The following ZFAND2B variants were observed in gnomAD, a reference collection of about 807,000 sequenced individuals.
ZFAND2B encodes the protein AN1-type zinc finger protein 2B.
Under a neutral mutation model 38.2 loss-of-function variants are expected in ZFAND2B, and 27 were observed. The observed-to-expected ratio is 0.71, with a 90% CI of 0.52 to 0.97. ZFAND2B has a LOEUF of 0.97. ZFAND2B is among the 50% of genes least tolerant of loss of function. The pLI is 0.00. For missense variants in ZFAND2B, 303 were observed against 331.5 expected (o/e 0.91, Z 0.67); for synonymous variants, 111 against 119.4 (o/e 0.93, Z 0.46).
chr2:219,206,934 C>G lies in ZFAND2B; in HGVS notation c.-54C>G, dbSNP rs1950491993. 3.8e-6 allele frequency: 6 copies of G among 1,598,166 alleles called. 1 individual carries two copies. The South Asian group carries it at 5.6e-5, about 15-fold the overall frequency. On this transcript the variant is annotated 5_prime_UTR_variant, in exon 1 of 9. Coordinates refer to ENST00000289528, the MANE Select transcript of ZFAND2B (RefSeq NM_138802.3). ...GCGGTGCGGACTTCGAGCACGAGCCCTAAAGACGCTCAGCACTCGTCGCTT... is the reference window on the plus strand; with the variant it reads ...GCGGTGCGGACTTCGAGCACGAGCCGTAAAGACGCTCAGCACTCGTCGCTT...
In ZFAND2B at chr2:219,207,307, A is replaced by G. The variant is rs781417943; in HGVS notation, c.56-20A>G. On this transcript the variant is annotated intron_variant, in intron 1 of 8. Coordinates refer to ENST00000289528, the MANE Select transcript of ZFAND2B (RefSeq NM_138802.3). Reference sequence around the variant, plus strand: ...ACATCGAGGTCCCGCTGGACCTGCAATCCGACCAACTCTTTGCAGATTTTC... The same window carrying G: ...ACATCGAGGTCCCGCTGGACCTGCAGTCCGACCAACTCTTTGCAGATTTTC... 39 of 1,613,156 alleles carry G rather than the reference A, an allele frequency of 2.4e-5. No individual in the cohort carries two copies. The highest frequency in any genetic ancestry group is 2.0e-4 in the African/African-American group (15 of 74,902).
chr2:219,207,691 C>T lies in ZFAND2B; in HGVS notation c.194C>T (p.Pro65Leu), dbSNP rs760972696. ...PVCPLCNVPV[P>L]VARGEPPDRA... ...TGCCCTCTCTGTAATGTGCCTGTGC[C>T]TGTGGCCAGAGGGGAGCCCCCTGAC... Residue 65 changes from proline to leucine, a missense_variant, in exon 3 of 9, where the codon CCT becomes CTT. Physicochemically the swap from Pro to Leu is moderately conservative, Grantham distance 98. Coordinates refer to ENST00000289528, the MANE Select transcript of ZFAND2B (RefSeq NM_138802.3). The T allele has an allele frequency of 6.2e-7, 1 of 1,614,184 alleles. No individual in the cohort carries two copies. Among genetic ancestry groups the T allele is most frequent in the Non-Finnish European group, 8.5e-7 (1 of 1,180,036 alleles).
Position 219,207,423 on chromosome 2 carries a change from T to C in ZFAND2B, c.150+2T>C, listed in dbSNP as rs746805400. The C allele has an allele frequency of 1.2e-6, 2 of 1,608,094 alleles. No homozygotes were observed. The highest frequency in any genetic ancestry group is 1.7e-6 in the Non-Finnish European group (2 of 1,174,958). On this transcript the variant is annotated splice_donor_variant, in intron 2 of 8. Transcript: ENST00000289528. LOFTEE classifies it high-confidence loss of function. The stretch of plus-strand genomic sequence containing the variant: ...CACTGTGGATCTGCTTACCAAAAGG[T>C]GAGGGGGCGATCCTCAGGGTGAAAG...
intron 4 of ZFAND2B, 87 bp from the exon 5 acceptor site, chr2:219,208,169 A>C: frequency 1.9e-6 from 3 of 1,596,026 alleles, no homozygotes; most frequent in Non-Finnish European, 2.6e-6. Flanking sequence ...CTTCCTTTTC[A>C]AGTGCATGTT....
chr2:219,207,624 CTGA>C, intron 2 of ZFAND2B, 21 bp from the exon 3 acceptor site: 3 of 1,613,326 alleles, frequency 1.9e-6, no homozygotes, highest in Non-Finnish European at 2.5e-6. Flanking sequence ...GGGCCACAGA[CTGA>C]CCCTTGCTCC....
chr2:219,207,334 G>A lies in ZFAND2B; in HGVS notation c.63G>A (p.Leu21=), dbSNP rs771984520. The stretch of plus-strand genomic sequence containing the variant: ...CCGACCAACTCTTTGCAGATTTTCT[G>A]CCGCTTAAGTGTGATGCCTGCTCAG... ...SEPSCQRLDF[L]PLKCDACSGI... The change falls in exon 2 of 9, where the codon CTG becomes CTA. Residue 21 remains leucine (L), a synonymous_variant. Coordinates refer to ENST00000289528, the MANE Select transcript of ZFAND2B (RefSeq NM_138802.3). The A allele has an allele frequency of 1.9e-5, 31 of 1,613,916 alleles. No individual in the cohort carries two copies. The highest frequency in any genetic ancestry group is 3.3e-5 in the Admixed American group (2 of 60,002).
At chr2:219,208,720 C>T (rs772121697) in intron 7 of ZFAND2B, 81 bp downstream of exon 7, 27 of 1,502,362 alleles carry the variant, frequency 1.8e-5, no homozygotes, top group Non-Finnish European at 2.4e-5. Context: ...ACCACTCTGA[C>T]ACAATGCAAG....
chr2:219,208,419 G>C lies in ZFAND2B; in HGVS notation c.528-7G>C. 6.2e-7 allele frequency: 1 copy of C among 1,614,160 alleles called. No homozygotes were observed. Among genetic ancestry groups the C allele is most frequent in the Non-Finnish European group, 8.5e-7 (1 of 1,180,026 alleles). On this transcript the variant is annotated splice_region_variant and splice_polypyrimidine_tract_variant and intron_variant, in intron 5 of 8. Transcript: ENST00000289528. ...TCTGACCTCCACCTCTTCAATGTCT[G>C]TCGTAGAGCCACAACCCGATCTCCG... is the stretch of plus-strand genomic sequence containing the variant.
chr2:219,207,151 T>C, intron 1 of ZFAND2B, 109 bp downstream of exon 1: 1 of 743,120 alleles, frequency 1.3e-6, no homozygotes, highest in Non-Finnish European at 2.1e-6. Context: ...GGGCGGGGCT[T>C]GAAGCTGGGG....
In ZFAND2B at chr2:219,207,789, G is replaced by A. The variant is rs528813721; in HGVS notation, c.282+10G>A. The A allele has an allele frequency of 6.2e-7, 1 of 1,614,106 alleles. No individual in the cohort carries two copies. Among genetic ancestry groups the A allele is most frequent in the East Asian group, 2.2e-5 (1 of 44,882 alleles). On this transcript the variant is annotated intron_variant, in intron 3 of 8. Transcript: ENST00000289528. ...ACAGCAAAAACGTAAGGTAAACATTGTAGGGGTCAGCCACAACCCAGCTGG... is the reference window on the plus strand; with the variant it reads ...ACAGCAAAAACGTAAGGTAAACATTATAGGGGTCAGCCACAACCCAGCTGG...
In ZFAND2B at chr2:219,209,340, G is replaced by A. The variant is rs1463372318; in HGVS notation, c.*34G>A. On this transcript the variant is annotated 3_prime_UTR_variant, in exon 9 of 9. Coordinates refer to ENST00000289528, the MANE Select transcript of ZFAND2B (RefSeq NM_138802.3). Reference sequence around the variant, plus strand: ...GCTTGGGGAGGGAGGTTCACCTGAGGAGGACTGTGGCCCTCACACCTCTAG... The same window carrying A: ...GCTTGGGGAGGGAGGTTCACCTGAGAAGGACTGTGGCCCTCACACCTCTAG... 5 of 1,604,536 alleles carry A rather than the reference G, an allele frequency of 3.1e-6. No individual in the cohort carries two copies. Among genetic ancestry groups the A allele is most frequent in the Non-Finnish European group, 4.3e-6 (5 of 1,176,140 alleles).
rs746755465 is a variant in ZFAND2B at position 219,207,343 on chromosome 2, G to A, written c.72G>A (p.Lys24=). ...SCQRLDFLPL[K]CDACSGIFCA... Reference sequence around the variant, plus strand: ...TCTTTGCAGATTTTCTGCCGCTTAAGTGTGATGCCTGCTCAGGCATCTTCT... The same window carrying A: ...TCTTTGCAGATTTTCTGCCGCTTAAATGTGATGCCTGCTCAGGCATCTTCT... The change falls in exon 2 of 9, where the codon AAG becomes AAA. Residue 24 remains lysine, a synonymous_variant. Transcript: ENST00000289528. 1.9e-6 allele frequency: 3 copies of A among 1,614,028 alleles called. No individual in the cohort carries two copies. The highest frequency in any genetic ancestry group is 2.5e-6 in the Non-Finnish European group (3 of 1,179,850).
At position 219,208,560 on chromosome 2, in the gene ZFAND2B, C is replaced by T; in HGVS notation, c.589-12C>T. 1.2e-6 allele frequency: 2 copies of T among 1,614,256 alleles called. No homozygotes were observed. The highest frequency in any genetic ancestry group is 1.7e-6 in the Non-Finnish European group (2 of 1,180,048). On this transcript the variant is annotated splice_polypyrimidine_tract_variant and intron_variant, in intron 6 of 8. Transcript: ENST00000289528. ...AAGTCCAAGGACGCTGGTCTTCTTT[C>T]TCCCTTTGTAGAGTGAGGATGAAGC...
rs778288779 is a variant in ZFAND2B, at chr2:219,208,520, AACAC to A, written c.588+38_588+41del. Reference sequence around the variant, plus strand: ...GGCAGAGGTTGGATGGACAGAAACAAACACACAGAGAGTGAAGTCCAAGGACGCT... The same window carrying A: ...GGCAGAGGTTGGATGGACAGAAACAAACAGAGAGTGAAGTCCAAGGACGCT... On this transcript the variant is annotated intron_variant, in intron 6 of 8. Transcript: ENST00000289528. 3 of 1,614,238 alleles carry A rather than the reference AACAC, an allele frequency of 1.9e-6. No homozygotes were observed. In the Admixed American group the frequency reaches 5.0e-5, roughly 27 times the overall value.
rs376655844 is a variant in ZFAND2B at position 219,208,032 on chromosome 2, G to A, written c.428G>A (p.Arg143Gln). The change falls in exon 4 of 9, where the codon CGG (arginine) becomes CAG (glutamine). Residue 143 changes from arginine (R) to glutamine (Q), a missense_variant. Transcript: ENST00000289528. Reference protein sequence around the residue: ...DCSGEGHPTSRAGLAAISRAQ... With the variant: ...DCSGEGHPTSQAGLAAISRAQ... ...TCTGGGGAGGGGCACCCAACCAGCCGGGCAGGGTAATGGCAGCCAAGTCCT... is the reference window on the plus strand; with the variant it reads ...TCTGGGGAGGGGCACCCAACCAGCCAGGCAGGGTAATGGCAGCCAAGTCCT... The A allele has an allele frequency of 6.2e-6, 10 of 1,613,828 alleles. No individual in the cohort carries two copies. Among genetic ancestry groups the A allele is most frequent in the Admixed American group, 5.0e-5 (3 of 60,004 alleles).
chr2:219,207,304 G>A (rs372685650), intron 1 of ZFAND2B, 23 bp from the exon 2 acceptor site: 3 of 1,611,912 alleles, frequency 1.9e-6, no homozygotes, highest in Non-Finnish European at 2.5e-6. Context: ...CGCTGGACCT[G>A]CAATCCGACC....
intron 5 of ZFAND2B, 28 bp downstream of exon 5, chr2:219,208,376 C>G (rs200537229): frequency 9.9e-6 from 16 of 1,614,050 alleles, no homozygotes; most frequent in South Asian, 2.2e-5. Context: ...CCTGCTCCCC[C>G]TTTTTCCCCT....
chr2:219,207,531 T>C (rs919352127), intron 2 of ZFAND2B, 110 bp downstream of exon 2: 12 of 1,588,196 alleles, frequency 7.6e-6, no homozygotes, highest in Non-Finnish European at 7.8e-6. Context: ...AGGCTGTCAG[T>C]GCTGGGAAAC....
Position 219,209,465 on chromosome 2 carries a change from C to A in ZFAND2B, c.*159C>A. 1 of 860,684 alleles carries A rather than the reference C, an allele frequency of 1.2e-6. No homozygotes were observed. The highest frequency in any genetic ancestry group is 1.9e-6 in the Non-Finnish European group (1 of 517,838). The allele number at this position is 860,684 out of a possible 1,614,324, so 53.3% of individuals were successfully genotyped here. ...GAGCCTCTGGAAGGCCTTGCTAGTG[C>A]TCCAGCTGCATGGAAGAGAGCGGCT... On this transcript the variant is annotated 3_prime_UTR_variant, in exon 9 of 9. Coordinates refer to ENST00000289528, the MANE Select transcript of ZFAND2B (RefSeq NM_138802.3).
Sources: gnomAD v4.1 joint callset for allele counts on GRCh38, gnomAD v4.1.1 for gene constraint, MANE v1.5 for transcripts, NCBI Gene and HGNC (gene_info 2026-07-23, HGNC 2026-07-21) for gene names.